UPK1B: variants seen among roughly 807,000 people sequenced by gnomAD.
The protein encoded by UPK1B is uroplakin-1b.
Under a neutral mutation model 34.2 loss-of-function variants are expected in UPK1B, and 28 were observed. The observed-to-expected ratio is 0.82, with a 90% CI of 0.61 to 1.12. The LOEUF (loss-of-function observed/expected upper bound fraction) is 1.12, where lower values mean the gene tolerates loss of function less well. UPK1B is among the 50% of genes most tolerant of loss of function. The pLI, the probability that UPK1B is intolerant of heterozygous loss-of-function variation, is 0.00. For synonymous variants in UPK1B, 81 were observed against 110.4 expected, an observed-to-expected ratio of 0.73 and a Z score of 1.67; for missense variants, 325 against 320.9, an observed-to-expected ratio of 1.01 and a Z score of -0.10.
rs373173020 is a variant in UPK1B, at chr3:119,190,231, T to A, written c.271-14T>A. 4.4e-6 allele frequency: 7 copies of A among 1,578,806 alleles called. No individual in the cohort carries two copies. In the African/African-American group the frequency reaches 8.1e-5, roughly 18 times the overall value. On this transcript the variant is annotated splice_polypyrimidine_tract_variant and intron_variant, in intron 3 of 7. Coordinates refer to ENST00000264234, the MANE Select transcript of UPK1B (RefSeq NM_006952.4). Reference sequence around the variant, plus strand: ...GTAAATGTAATTCTTTTATCTCATTTATTTCCCTTCCAGTATTTCATTCTG... The same window carrying A: ...GTAAATGTAATTCTTTTATCTCATTAATTTCCCTTCCAGTATTTCATTCTG...
rs2078111279 is a variant in UPK1B, at chr3:119,204,693, A to G, written c.*726A>G. 6.6e-6 allele frequency: 1 copy of G among 152,258 alleles called. No homozygotes were observed. The highest frequency in any genetic ancestry group is 1.9e-4 in the East Asian group (1 of 5,200). The allele number at this position is 152,258 out of a possible 1,614,324, so 9.4% of individuals were successfully genotyped here. A position where few individuals can be genotyped will look rare whatever the true frequency, so the allele number is the denominator to read the frequency against. ...GGAGTTCAAGACCAGCCTGGCCAAC[A>G]TGGTGAAACCCCGTCTCTACAAAAA... is the stretch of plus-strand genomic sequence containing the variant. On this transcript the variant is annotated 3_prime_UTR_variant, in exon 8 of 8. Coordinates refer to ENST00000264234, the MANE Select transcript of UPK1B (RefSeq NM_006952.4).
chr3:119,177,562 T>C (rs368796005), intron 1 of UPK1B, among the ~76,000 whole-genome samples: 2 of 152,234 alleles, frequency 1.3e-5, no homozygotes, highest in Admixed American at 6.5e-5. Context: ...CCAATAACTG[T>C]CCTAGGATGA....
At chr3:119,176,348 TTTG>T (rs1460138657) in intron 1 of UPK1B, among the ~76,000 whole-genome samples, 1 of 152,180 alleles carries the variant, frequency 6.6e-6, no homozygotes, top group Non-Finnish European at 1.5e-5. Context: ...TGCAAATTGG[TTTG>T]TTTAGTGAGC....
chr3:119,174,120 G>A (rs538267509), intron 1 of UPK1B, among the ~76,000 whole-genome samples: 2 of 152,158 alleles, frequency 1.3e-5, no homozygotes, highest in South Asian at 4.1e-4. Flanking sequence ...TGGTCTTCTT[G>A]TCAGAAATCA....
chr3:119,190,244 G>C lies in UPK1B; in HGVS notation c.271-1G>C. 1.3e-6 allele frequency: 2 copies of C among 1,594,482 alleles called. No homozygotes were observed. Among genetic ancestry groups the C allele is most frequent in the Non-Finnish European group, 1.7e-6 (2 of 1,166,888 alleles). On this transcript the variant is annotated splice_acceptor_variant, in intron 3 of 7. Coordinates refer to ENST00000264234, the MANE Select transcript of UPK1B (RefSeq NM_006952.4). LOFTEE classifies it high-confidence loss of function. ...TTTTATCTCATTTATTTCCCTTCCA[G>C]TATTTCATTCTGATGTTTATAGTAT...
chr3:119,196,520 A>G (rs1399527129), intron 6 of UPK1B, among the ~76,000 whole-genome samples: 1 of 148,220 alleles, frequency 6.7e-6, no homozygotes, highest in Non-Finnish European at 1.5e-5. Context: ...TGAATAGTGA[A>G]TGGTTTTTCT....
chr3:119,190,224 T>C (rs773663137), intron 3 of UPK1B, 21 bp from the exon 4 acceptor site: 1 of 1,554,076 alleles, frequency 6.4e-7, no homozygotes, highest in South Asian at 1.2e-5. Flanking sequence ...AATTCTTTTA[T>C]CTCATTTATT....
chr3:119,175,722 C>T (rs2077953997), intron 1 of UPK1B, among the ~76,000 whole-genome samples: 1 of 152,158 alleles, frequency 6.6e-6, no homozygotes, highest in Non-Finnish European at 1.5e-5. Context: ...AAGAGCAGTG[C>T]TGTCCAGTAA....
At chr3:119,182,727 G>A (rs2077994847) in intron 1 of UPK1B, among the ~76,000 whole-genome samples, 1 of 152,214 alleles carries the variant, frequency 6.6e-6, no homozygotes, top group Non-Finnish European at 1.5e-5. Context: ...CTTGACATCT[G>A]TGGCCATTTG....
intron 7 of UPK1B, 30 bp from the exon 8 acceptor site, chr3:119,203,887 T>C (rs754861348): frequency 1.4e-5 from 22 of 1,610,098 alleles, no homozygotes; most frequent in East Asian, 2.2e-5. Flanking sequence ...CAATCCCTTG[T>C]TTATTTTTCC....
intron 6 of UPK1B, among the ~76,000 whole-genome samples, chr3:119,197,852 A>G (rs879263825): frequency 1.3e-4 from 18 of 139,872 alleles, no homozygotes; most frequent in Admixed American, 3.0e-4. Flanking sequence ...CACTGTCAGG[A>G]AAGGCTTTGT....
intron 3 of UPK1B, among the ~76,000 whole-genome samples, chr3:119,188,350 C>T (rs4687979): frequency 6.6e-6 from 1 of 152,250 alleles, no homozygotes; most frequent in African/African-American, 2.4e-5. Flanking sequence ...TTGGCAATAA[C>T]TTGTTTAAAA....
At chr3:119,185,850 C>T (rs2078015485) in intron 1 of UPK1B, among the ~76,000 whole-genome samples, 1 of 152,140 alleles carries the variant, frequency 6.6e-6, no homozygotes, top group African/African-American at 2.4e-5. Flanking sequence ...CCAGAAAATC[C>T]TCAGGGAGGT....
At chr3:119,179,533 G>A (rs1236238394) in intron 1 of UPK1B, among the ~76,000 whole-genome samples, 145 of 9,046 alleles carry the variant, frequency 0.016, 1 homozygote, top group African/African-American at 0.04. Flanking sequence ...TTTTTGAGAC[G>A]GAGTCTCGCT....
Position 119,194,278 on chromosome 3 carries a change from G to A in UPK1B, c.528G>A (p.Arg176=), listed in dbSNP as rs1273898465. 6.2e-7 allele frequency: 1 copy of A among 1,613,922 alleles called. No individual in the cohort carries two copies. Among genetic ancestry groups the A allele is most frequent in the Non-Finnish European group, 8.5e-7 (1 of 1,179,936 alleles). The change falls in exon 6 of 8, where the codon CGG becomes CGA. Residue 176 remains arginine (R), a synonymous_variant. Transcript: ENST00000264234. ...SDWQKYTSAF[R]TENNDADYPW... ...GGCAAAAATACACATCTGCCTTCCG[G>A]ACTGAGAATAATGATGCTGACTATC...
chr3:119,184,983 A>G (rs763225971), intron 1 of UPK1B, among the ~76,000 whole-genome samples: 9 of 152,240 alleles, frequency 5.9e-5, no homozygotes, highest in Admixed American at 1.3e-4. Context: ...ATGTGACTCA[A>G]CCAGCTACAT....
intron 6 of UPK1B, among the ~76,000 whole-genome samples, chr3:119,196,269 G>C (rs1290397432): frequency 6.6e-6 from 1 of 151,962 alleles, no homozygotes; most frequent in Non-Finnish European, 1.5e-5. Flanking sequence ...CATAGGTCTT[G>C]CTAAGTCCCC....
rs554391493 is a variant in UPK1B, at chr3:119,204,398, G to A, written c.*431G>A. The stretch of plus-strand genomic sequence containing the variant: ...TCAGTATTGTCAGGGGAACAGAGAA[G>A]TTGGGAAAAGATTACTGAAATATAC... On this transcript the variant is annotated 3_prime_UTR_variant, in exon 8 of 8. Coordinates refer to ENST00000264234, the MANE Select transcript of UPK1B (RefSeq NM_006952.4). 1 of 163,226 alleles carries A rather than the reference G, an allele frequency of 6.1e-6. No individual in the cohort carries two copies. 10.1% of individuals were successfully genotyped at this position (163,226 alleles called of 1,614,324 possible).
At chr3:119,179,805 CTTTTTTTTTTTTTTTTTTTTT>C (rs869040325) in intron 1 of UPK1B, among the ~76,000 whole-genome samples, 7 of 50,556 alleles carry the variant, frequency 1.4e-4, no homozygotes, top group Non-Finnish European at 2.6e-4. Context: ...CCACGCCCGG[CTTTTTTTTTTTTTTTTTTTTT>C]TTTTTTTTTT....
Sources: gnomAD v4.1 joint callset for allele counts (sites outside exome capture counted in the v4.1 genomes callset) on GRCh38, gnomAD v4.1.1 for gene constraint, MANE v1.5 for transcripts, NCBI Gene and HGNC (gene_info 2026-07-23, HGNC 2026-07-21) for gene names.